The following DLG2 variants were observed in gnomAD, a reference collection of about 807,000 sequenced individuals.
The protein encoded by DLG2 is disks large homolog 2.
In DLG2, 45 loss-of-function variants were observed where a neutral mutation model predicts 132.5. The ratio of observed to expected loss-of-function variants is 0.34; its 90% confidence interval spans 0.27 to 0.44. DLG2 has a LOEUF of 0.44. Among genes scored for constraint, DLG2 ranks in the 20% least tolerant of loss-of-function variants. DLG2 has a pLI of 1.00. For missense variants in DLG2, 1,045 were observed against 1,196.9 expected (o/e 0.87, Z 1.87); for synonymous variants, 424 against 419.6 (o/e 1.01, Z -0.13).
chr11:85,196,418 G>A (rs773657630), intron 4 of DLG2, among the ~76,000 whole-genome samples: 3 of 152,134 alleles, frequency 2.0e-5, no homozygotes, highest in African/African-American at 7.2e-5. Context: ...GAAAATAGGT[G>A]AGCCAGGCAG....
At chr11:84,740,486 T>C (rs534454559) in intron 6 of DLG2, among the ~76,000 whole-genome samples, 8 of 151,426 alleles carry the variant, frequency 5.3e-5, no homozygotes, top group South Asian at 2.1e-4. Flanking sequence ...GTAGATGTGC[T>C]AAGCCCTACC....
intron 3 of DLG2, among the ~76,000 whole-genome samples, chr11:85,289,492 C>T (rs1489542182): frequency 2.0e-5 from 3 of 152,124 alleles, no homozygotes; most frequent in African/African-American, 7.2e-5. Flanking sequence ...TTTACTAAAA[C>T]TGGGTTCAAT....
intron 18 of DLG2, among the ~76,000 whole-genome samples, chr11:83,741,774 C>T (rs1019553343): frequency 6.6e-6 from 1 of 151,736 alleles, no homozygotes; most frequent in Non-Finnish European, 1.5e-5. Context: ...TTTGGGAGGC[C>T]GAGGCAGGTG....
intron 12 of DLG2, among the ~76,000 whole-genome samples, chr11:83,968,845 A>AATAATACACAATTGTTTG (rs1209210235): frequency 3.3e-5 from 5 of 152,176 alleles, no homozygotes; most frequent in African/African-American, 1.2e-4. Flanking sequence ...AACCCACATT[A>AATAATACACAATTGTTTG]ATAATACACA....
intron 17 of DLG2, among the ~76,000 whole-genome samples, chr11:83,808,044 T>G (rs1269629968): frequency 6.6e-6 from 1 of 152,084 alleles, no homozygotes; most frequent in African/African-American, 2.4e-5. Flanking sequence ...CACATTCCCT[T>G]CCCCATAATA....
At chr11:84,533,717 G>A (rs1041162531) in intron 7 of DLG2, among the ~76,000 whole-genome samples, 3 of 151,930 alleles carry the variant, frequency 2.0e-5, no homozygotes, top group Admixed American at 1.3e-4. Context: ...CTGGCAAAAT[G>A]AATGTTCTCG....
intron 3 of DLG2, among the ~76,000 whole-genome samples, chr11:85,544,617 T>G (rs1262225426): frequency 1.3e-5 from 2 of 152,214 alleles, no homozygotes; most frequent in African/African-American, 4.8e-5. Context: ...ATTCTTCCAA[T>G]CCATGAGCAT....
intron 6 of DLG2, among the ~76,000 whole-genome samples, chr11:85,055,315 C>A (rs1011856968): frequency 3.9e-5 from 6 of 152,146 alleles, no homozygotes; most frequent in African/African-American, 1.4e-4. Flanking sequence ...TTATAACATT[C>A]TCTTGCTAAG....
At chr11:84,025,824 A>G (rs2095521759) in intron 11 of DLG2, among the ~76,000 whole-genome samples, 1 of 152,146 alleles carries the variant, frequency 6.6e-6, no homozygotes, top group African/African-American at 2.4e-5. Context: ...GCCAGCATTT[A>G]TGAGTCAAAC....
chr11:83,490,509 T>C (rs1166044209), intron 21 of DLG2, among the ~76,000 whole-genome samples: 1 of 152,018 alleles, frequency 6.6e-6, no homozygotes, highest in Non-Finnish European at 1.5e-5. Context: ...GGAAGAATCA[T>C]CTGTGGATGC....
chr11:83,879,388 T>C (rs1273000729), intron 15 of DLG2, among the ~76,000 whole-genome samples: 1 of 152,190 alleles, frequency 6.6e-6, no homozygotes, highest in Non-Finnish European at 1.5e-5. Context: ...ATATTGCCTA[T>C]TTTTCCACTT....
At chr11:83,866,751 T>C (rs976070031) in intron 16 of DLG2, among the ~76,000 whole-genome samples, 2 of 152,132 alleles carry the variant, frequency 1.3e-5, no homozygotes, top group African/African-American at 4.8e-5. Context: ...TAGGGAGTAT[T>C]TAAAAAATAA....
intron 18 of DLG2, among the ~76,000 whole-genome samples, chr11:83,742,190 G>A (rs2092571062): frequency 6.9e-6 from 1 of 145,632 alleles, no homozygotes; most frequent in African/African-American, 2.7e-5. Flanking sequence ...TGCTAAGAGA[G>A]TAAATTTTAC....
At position 83,677,473 on chromosome 11, in the gene DLG2, C is replaced by T. The variant is rs540823565; in HGVS notation, c.1826-44148G>A. 2.6e-5 allele frequency among the ~76,000 whole-genome samples: 4 copies of T among 152,250 alleles called. No homozygotes were observed. The East Asian group carries it at 7.7e-4, about 29-fold the overall frequency. ...CTGGGAAATAAAGTTATCTCATTTA[C>T]ATCTTCCCAACTTCCTGAGACAGGA... On this transcript the variant is annotated intron_variant, in intron 18 of 27. Transcript: ENST00000376104.
At chr11:84,766,412 C>T (rs767436368) in intron 6 of DLG2, among the ~76,000 whole-genome samples, 4 of 151,834 alleles carry the variant, frequency 2.6e-5, no homozygotes, top group Admixed American at 6.6e-5. Context: ...TTCTTATCAT[C>T]GCTCAGGGAT....
intron 8 of DLG2, among the ~76,000 whole-genome samples, chr11:84,177,447 T>G (rs1174387205): frequency 1.3e-5 from 2 of 152,200 alleles, no homozygotes; most frequent in Non-Finnish European, 2.9e-5. Flanking sequence ...CTGTGTTAAG[T>G]ATCAGCTCAG....
intron 6 of DLG2, among the ~76,000 whole-genome samples, chr11:84,971,955 G>C (rs1290297853): frequency 6.6e-6 from 1 of 152,048 alleles, no homozygotes; most frequent in African/African-American, 2.4e-5. Flanking sequence ...AAGGCACTTT[G>C]CTTCTTGCTG....
intron 2 of DLG2, among the ~76,000 whole-genome samples, chr11:85,606,159 A>G (rs965449156): frequency 1.3e-5 from 2 of 152,216 alleles, no homozygotes; most frequent in African/African-American, 4.8e-5. Flanking sequence ...ACGATTAACT[A>G]TAGTATGATA....
At chr11:84,537,967 A>G (rs1354362455) in intron 6 of DLG2, among the ~76,000 whole-genome samples, 2 of 152,214 alleles carry the variant, frequency 1.3e-5, no homozygotes, top group African/African-American at 4.8e-5. Flanking sequence ...CACAATCTAA[A>G]AGGACATCAG....
Sources: allele counts gnomAD v4.1 joint callset (sites outside exome capture counted in the v4.1 genomes callset), GRCh38; gene constraint gnomAD v4.1.1; transcripts MANE v1.5; gene names NCBI Gene and HGNC (gene_info 2026-07-23, HGNC 2026-07-21).